CDC73: variants seen among roughly 807,000 people sequenced by gnomAD.
CDC73 encodes parafibromin.
CDC73 carries 21 observed loss-of-function variants against 83.7 expected under a neutral mutation model. The observed-to-expected ratio is 0.25, with a 90% confidence interval of 0.18 to 0.36. The LOEUF (loss-of-function observed/expected upper bound fraction) is 0.36, where lower values mean the gene tolerates loss of function less well. Among genes scored for constraint, CDC73 ranks in the 10% least tolerant of loss-of-function variants. The pLI is 1.00. For synonymous variants in CDC73, 224 were observed against 212.9 expected (o/e 1.05, Z -0.45); for missense variants, 342 against 653.3 (o/e 0.52, Z 5.19).
intron 3 of CDC73, among the ~76,000 whole-genome samples, chr1:193,134,535 G>T (rs990101449): frequency 1.3e-5 from 2 of 152,158 alleles, no homozygotes; most frequent in Non-Finnish European, 2.9e-5. Flanking sequence ...GCCGGGCGTG[G>T]TGGCATGTGC....
intron 13 of CDC73, among the ~76,000 whole-genome samples, chr1:193,222,254 T>G (rs1254750611): frequency 6.6e-6 from 1 of 152,128 alleles, no homozygotes; most frequent in Non-Finnish European, 1.5e-5. Flanking sequence ...GAGGAAAGAT[T>G]GTGCGCAGAA....
chr1:193,228,856 TG>T (rs1357652126), intron 13 of CDC73, among the ~76,000 whole-genome samples: 1 of 152,178 alleles, frequency 6.6e-6, no homozygotes, highest in African/African-American at 2.4e-5. Flanking sequence ...AGCCACATGC[TG>T]GGAGAAAATC....
chr1:193,184,316 CCTG>C (rs1676769057), intron 10 of CDC73, among the ~76,000 whole-genome samples: 2 of 151,762 alleles, frequency 1.3e-5, no homozygotes. Context: ...AATAACCATG[CCTG>C]CTTTTTATTA....
intron 7 of CDC73, 53 bp downstream of exon 7, chr1:193,142,119 G>A (rs1313970196): frequency 7.8e-6 from 11 of 1,403,378 alleles, no homozygotes; most frequent in Admixed American, 1.7e-5. Flanking sequence ...GAGAGAGAGT[G>A]CGTTTAATCT....
intron 10 of CDC73, among the ~76,000 whole-genome samples, chr1:193,178,042 C>G (rs1397640739): frequency 6.6e-6 from 1 of 152,108 alleles, no homozygotes; most frequent in Non-Finnish European, 1.5e-5. Context: ...ATAAAAATCA[C>G]ATAGTGTCGG....
chr1:193,178,051 G>C (rs1039790912), intron 10 of CDC73, among the ~76,000 whole-genome samples: 1 of 152,052 alleles, frequency 6.6e-6, no homozygotes, highest in Admixed American at 6.6e-5. Context: ...ACATAGTGTC[G>C]GGATGAAGAA....
At chr1:193,216,599 C>T (rs938046234) in intron 13 of CDC73, among the ~76,000 whole-genome samples, 1 of 151,910 alleles carries the variant, frequency 6.6e-6, no homozygotes, top group African/African-American at 2.4e-5. Context: ...TTCTGTGAAG[C>T]CAGCATCATT....
At chr1:193,179,657 T>C (rs1413516405) in intron 10 of CDC73, 2 of 152,304 alleles carry the variant, frequency 1.3e-5, no homozygotes, top group Non-Finnish European at 2.9e-5. Context: ...AAAATAATTT[T>C]CCCCCATATA....
At position 193,147,948 on chromosome 1, in the gene CDC73, C is replaced by G. The variant is rs765029460; in HGVS notation, c.811C>G (p.Pro271Ala). ...EGRAPEQRPA[P>A]NAAPVDPTLR... ...GCGTGCACCTGAACAGCGACCTGCC[C>G]CAAATGCAGCACCTGTGGTAAGAAT... Residue 271 changes from proline (P) to alanine (A), a missense_variant, in exon 8 of 17, where the codon CCA (proline) becomes GCA (alanine). Transcript: ENST00000367435. The G allele has an allele frequency of 1.2e-6, 2 of 1,611,316 alleles. No individual in the cohort carries two copies. Among genetic ancestry groups the G allele is most frequent in the Admixed American group, 1.7e-5 (1 of 60,020 alleles).
At chr1:193,186,199 C>T (rs1389069868) in intron 10 of CDC73, 2 of 152,892 alleles carry the variant, frequency 1.3e-5, no homozygotes, top group Non-Finnish European at 2.9e-5. Flanking sequence ...TCGAGTTACC[C>T]TCCTTGTTCA....
rs2102058420 is a variant in CDC73, at chr1:193,233,117, G to A, written c.1279G>A (p.Val427Ile). ...AATTAGTGTTACAGTACCTTATAGA[G>A]TAGTAGACCAGCCCCTTAAACTTAT... ...TAISVTVPYR[V>I]VDQPLKLMPQ... The change falls in exon 14 of 17, where the codon GTA (valine) becomes ATA (isoleucine). Residue 427 changes from valine (V) to isoleucine (I), a missense_variant. Physicochemically the swap from Val to Ile is conservative, Grantham distance 29 (BLOSUM62 3). Around this residue, in one of 3 missense-constraint regions of CDC73, gnomAD observed 239 missense variants for 420.6 expected, o/e 0.57. Transcript: ENST00000367435. The A allele has an allele frequency of 6.2e-7, 1 of 1,613,524 alleles. No individual in the cohort carries two copies. The highest frequency in any genetic ancestry group is 1.1e-5 in the South Asian group (1 of 91,066).
intron 10 of CDC73, among the ~76,000 whole-genome samples, chr1:193,168,756 G>A (rs1676473230): frequency 1.3e-5 from 2 of 152,092 alleles, no homozygotes; most frequent in East Asian, 1.9e-4. Context: ...AACACCTGAC[G>A]TCAGGTGATC....
chr1:193,124,260 CTCT>C (rs1489334219), intron 1 of CDC73, among the ~76,000 whole-genome samples: 3 of 152,228 alleles, frequency 2.0e-5, no homozygotes, highest in Admixed American at 2.0e-4. Context: ...ACAATACTTA[CTCT>C]TCTTATTGTA....
chr1:193,142,290 C>CAA (rs1199634845), intron 7 of CDC73, among the ~76,000 whole-genome samples: 2 of 152,116 alleles, frequency 1.3e-5, no homozygotes, highest in Non-Finnish European at 2.9e-5. Context: ...AAGTAGGAAT[C>CAA]AAAATGCAAG....
chr1:193,237,568 C>T (rs979376886), intron 15 of CDC73, among the ~76,000 whole-genome samples: 5 of 152,048 alleles, frequency 3.3e-5, no homozygotes, highest in African/African-American at 1.2e-4. Context: ...AGAACGTGGC[C>T]TTTAATCAAC....
intron 10 of CDC73, among the ~76,000 whole-genome samples, chr1:193,178,062 G>A (rs1400428676): frequency 6.6e-6 from 1 of 152,122 alleles, no homozygotes; most frequent in Non-Finnish European, 1.5e-5. Flanking sequence ...GGATGAAGAA[G>A]ACACAGTTAA....
chr1:193,193,897 A>T (rs1285547912), intron 10 of CDC73, among the ~76,000 whole-genome samples: 4 of 150,560 alleles, frequency 2.7e-5, no homozygotes, highest in Non-Finnish European at 5.9e-5. Flanking sequence ...TAGCTTCCTC[A>T]GTCAGTTTAT....
At chr1:193,162,687 A>G (rs1452492929) in intron 10 of CDC73, among the ~76,000 whole-genome samples, 1 of 151,992 alleles carries the variant, frequency 6.6e-6, no homozygotes, top group African/African-American at 2.4e-5. Flanking sequence ...ATTTTTACAC[A>G]TTACAATTAA....
At chr1:193,235,720 A>T (rs1033990169) in intron 14 of CDC73, among the ~76,000 whole-genome samples, 2 of 152,216 alleles carry the variant, frequency 1.3e-5, no homozygotes, top group Non-Finnish European at 2.9e-5. Flanking sequence ...AAATTATAAA[A>T]GTCTAAATGG....
Sources: allele counts gnomAD v4.1 joint callset (sites outside exome capture counted in the v4.1 genomes callset), GRCh38; gene constraint gnomAD v4.1.1; regional missense constraint gnomAD v4.1.1; transcripts MANE v1.5; gene names NCBI Gene and HGNC (gene_info 2026-07-23, HGNC 2026-07-21).